ST8SIA3: variants seen among roughly 807,000 people sequenced by gnomAD.
ST8SIA3 encodes the protein ST8 alpha-N-acetyl-neuraminide alpha-2,8-sialyltransferase 3.
A neutral mutation model predicts 34.5 loss-of-function variants in ST8SIA3; 17 were observed. The ratio of observed to expected loss-of-function variants is 0.49; its 90% CI spans 0.34 to 0.74. The LOEUF is 0.74. Among genes scored for constraint, ST8SIA3 ranks in the 30% least tolerant of loss-of-function variants. The probability of loss-of-function intolerance (pLI) is 0.01; values close to 1 mark genes in which losing one functional copy is unlikely to be tolerated. For missense variants in ST8SIA3, 354 were observed against 467.8 expected (o/e 0.76, Z 2.24); for synonymous variants, 172 against 176.1 (o/e 0.98, Z 0.19).
intron 3 of ST8SIA3, 82 bp downstream of exon 3, chr18:57,357,552 C>T: frequency 1.8e-6 from 2 of 1,099,060 alleles, no homozygotes; most frequent in Non-Finnish European, 2.6e-6. Context: ...GGGAGCCATC[C>T]AATTCATTAG....
At chr18:57,358,412 G>A (rs2049810744) in intron 3 of ST8SIA3, among the ~76,000 whole-genome samples, 1 of 152,202 alleles carries the variant, frequency 6.6e-6, no homozygotes, top group African/African-American at 2.4e-5. Context: ...CTGGTAAACA[G>A]GGAATTCTGA....
chr18:57,362,732 GGA>G lies in ST8SIA3; in HGVS notation c.*2457_*2458del, dbSNP rs1435195920. The G allele has an allele frequency of 6.6e-6, 1 of 152,192 alleles. No individual in the cohort carries two copies. The highest frequency in any genetic ancestry group is 1.5e-5 in the Non-Finnish European group (1 of 68,034). 9.4% of individuals were successfully genotyped at this position (152,192 alleles called of 1,614,324 possible). The stretch of plus-strand genomic sequence containing the variant: ...AGATCAGGCTCATCTCTGCTTATAA[GGA>G]GGACTTCCTGGAGATGATCCCAATA... On this transcript the variant is annotated 3_prime_UTR_variant, in exon 4 of 4. Transcript: ENST00000324000.
intron 3 of ST8SIA3, among the ~76,000 whole-genome samples, chr18:57,359,449 G>T (rs1020509308): frequency 1.3e-5 from 2 of 152,112 alleles, no homozygotes; most frequent in African/African-American, 4.8e-5. Context: ...GAAAAATAAG[G>T]CTCCACAATC....
intron 3 of ST8SIA3, among the ~76,000 whole-genome samples, chr18:57,357,803 T>C (rs2049807862): frequency 6.6e-6 from 1 of 152,194 alleles, no homozygotes; most frequent in Non-Finnish European, 1.5e-5. Flanking sequence ...TAGATAGCTA[T>C]ATTCCAAGAA....
In ST8SIA3 at chr18:57,357,249, C is replaced by T. The variant is rs768387892; in HGVS notation, c.639C>T (p.Ser213=). The T allele has an allele frequency of 6.2e-7, 1 of 1,614,160 alleles. No individual in the cohort carries two copies. Among genetic ancestry groups the T allele is most frequent in the South Asian group, 1.1e-5 (1 of 91,078 alleles). Residue 213 remains serine, a synonymous_variant, in exon 3 of 4, where the codon AGC becomes AGT. Transcript: ENST00000324000. ...CCAATCTTACCACCTTCAACCCCAG[C>T]ATCCTGGAAAAATATTACAACAATC... ...RKTNLTTFNP[S]ILEKYYNNLL...
chr18:57,357,935 A>G (rs2049808598), intron 3 of ST8SIA3, among the ~76,000 whole-genome samples: 1 of 152,234 alleles, frequency 6.6e-6, no homozygotes, highest in Non-Finnish European at 1.5e-5. Flanking sequence ...TAAATTGCAC[A>G]ATCTGCCTTT....
chr18:57,360,871 A>T lies in ST8SIA3; in HGVS notation c.*594A>T, dbSNP rs887946945. The T allele has an allele frequency of 1.3e-5, 2 of 153,334 alleles. No homozygotes were observed. Among genetic ancestry groups the T allele is most frequent in the African/African-American group, 4.8e-5 (2 of 41,424 alleles). The allele number at this position is 153,334 out of a possible 1,614,324, so 9.5% of individuals were successfully genotyped here. A position where few individuals can be genotyped will look rare whatever the true frequency, so the allele number is the denominator to read the frequency against. ...CTTTGCTTGTATATGTTGCATTTGT[A>T]CTTGATGTGTTTAAGGTTCTGGGTA... is the stretch of plus-strand genomic sequence containing the variant. On this transcript the variant is annotated 3_prime_UTR_variant, in exon 4 of 4. Transcript: ENST00000324000.
chr18:57,364,501 C>T lies in ST8SIA3; in HGVS notation c.*4224C>T, dbSNP rs918977775. On this transcript the variant is annotated 3_prime_UTR_variant, in exon 4 of 4. Coordinates refer to ENST00000324000, the MANE Select transcript of ST8SIA3 (RefSeq NM_015879.3). ...GCAATTTTCTGTATAATTCTAGATT[C>T]TTAAAACCTTTTTTCCCATAATTGT... 2.0e-5 allele frequency: 3 copies of T among 152,216 alleles called. No individual in the cohort carries two copies. The highest frequency in any genetic ancestry group is 7.2e-5 in the African/African-American group (3 of 41,466). The allele number at this position is 152,216 out of a possible 1,614,324, so 9.4% of individuals were successfully genotyped here. A position where few individuals can be genotyped will look rare whatever the true frequency, so the allele number is the denominator to read the frequency against.
rs1460908526 is a variant in ST8SIA3 at position 57,365,141 on chromosome 18, C to T, written c.*4864C>T. ...ATTCTGGACCTTTGATTCATAATGT[C>T]CTGGGATAAGTCCAACTTACAAAGA... is the stretch of plus-strand genomic sequence containing the variant. On this transcript the variant is annotated 3_prime_UTR_variant, in exon 4 of 4. Coordinates refer to ENST00000324000, the MANE Select transcript of ST8SIA3 (RefSeq NM_015879.3). 1 of 152,198 alleles carries T rather than the reference C, an allele frequency of 6.6e-6. No individual in the cohort carries two copies. The highest frequency in any genetic ancestry group is 1.5e-5 in the Non-Finnish European group (1 of 68,034). The allele number at this position is 152,198 out of a possible 1,614,324, so 9.4% of individuals were successfully genotyped here.
chr18:57,368,043 C>T lies in ST8SIA3; in HGVS notation c.*7766C>T, dbSNP rs145607879. 6.6e-6 allele frequency: 1 copy of T among 152,594 alleles called. No individual in the cohort carries two copies. The highest frequency in any genetic ancestry group is 2.4e-5 in the African/African-American group (1 of 41,580). 9.5% of individuals were successfully genotyped at this position (152,594 alleles called of 1,614,324 possible). A position where few individuals can be genotyped will look rare whatever the true frequency, so the allele number is the denominator to read the frequency against. ...GTCAGGATTCCAGATCAACATCCTC[C>T]ATGTGGAGATGAGACAACTGAGGTT... is the stretch of plus-strand genomic sequence containing the variant. On this transcript the variant is annotated 3_prime_UTR_variant, in exon 4 of 4. Transcript: ENST00000324000.
chr18:57,355,182 T>C (rs2049792019), intron 2 of ST8SIA3, among the ~76,000 whole-genome samples: 1 of 152,206 alleles, frequency 6.6e-6, no homozygotes, highest in Admixed American at 6.5e-5. Flanking sequence ...GTTTTGTTTT[T>C]TTAGGTGGAA....
rs1315590125 is a variant in ST8SIA3, at chr18:57,365,011, G to A, written c.*4734G>A. The A allele has an allele frequency of 6.6e-6, 1 of 152,124 alleles. No individual in the cohort carries two copies. The highest frequency in any genetic ancestry group is 1.5e-5 in the Non-Finnish European group (1 of 68,024). 9.4% of individuals were successfully genotyped at this position (152,124 alleles called of 1,614,324 possible). On this transcript the variant is annotated 3_prime_UTR_variant, in exon 4 of 4. Transcript: ENST00000324000. ...GCAGAGTAACTGACTTCAGTTTAAG[G>A]TTACCCTGGGGTTCTGGGGTTAGGA...
Position 57,357,411 on chromosome 18 carries a change from C to G in ST8SIA3, c.801C>G (p.His267Gln). ...TRTLVDFFVEHRGQLKVQLAW... is the reference protein window; with the variant it reads ...TRTLVDFFVEQRGQLKVQLAW... ...CATTAGTTGACTTTTTTGTTGAACA[C>G]AGAGGTCAGTTAAAAGTCCAACTGG... The change falls in exon 3 of 4, where the codon CAC (histidine) becomes CAG (glutamine). Residue 267 changes from histidine to glutamine, a missense_variant. Coordinates refer to ENST00000324000, the MANE Select transcript of ST8SIA3 (RefSeq NM_015879.3). The G allele has an allele frequency of 6.2e-7, 1 of 1,612,860 alleles. No individual in the cohort carries two copies. Among genetic ancestry groups the G allele is most frequent in the Non-Finnish European group, 8.5e-7 (1 of 1,179,914 alleles).
intron 3 of ST8SIA3, among the ~76,000 whole-genome samples, 196 bp from the exon 4 acceptor site, chr18:57,359,799 T>C (rs901734816): frequency 2.0e-5 from 3 of 152,224 alleles, no homozygotes; most frequent in Non-Finnish European, 2.9e-5. Context: ...TCCACATTTT[T>C]ATTTCTTACT....
chr18:57,354,570 G>A, intron 2 of ST8SIA3, 46 bp downstream of exon 2: 1 of 1,608,534 alleles, frequency 6.2e-7, no homozygotes, highest in Non-Finnish European at 8.5e-7. Context: ...AAGAATTCAA[G>A]AGCTCAAAAC....
rs771063902 is a variant in ST8SIA3 at position 57,354,503 on chromosome 18, G to A, written c.281G>A (p.Arg94Gln). ...QEKPSKWKFN[R>Q]TAFLHQRQEI... ...AAACCTTCTAAGTGGAAATTTAATC[G>A]GACAGCGTTTTTACATCAAAGGTAG... The change falls in exon 2 of 4, where the codon CGG becomes CAG. Residue 94 changes from arginine to glutamine, a missense_variant. Coordinates refer to ENST00000324000, the MANE Select transcript of ST8SIA3 (RefSeq NM_015879.3). The A allele has an allele frequency of 6.2e-6, 10 of 1,613,924 alleles. No individual in the cohort carries two copies. In the South Asian group the frequency reaches 6.6e-5, roughly 11 times the overall value.
At position 57,354,411 on chromosome 18, in the gene ST8SIA3, T is replaced by G. The variant is rs770244080; in HGVS notation, c.189T>G (p.Phe63Leu). Reference sequence around the variant, plus strand: ...TCATGCTCCTCTCCAGGTCACAATTTGCGCTGAAGTTTCTAGACCCGTCAT... The same window carrying G: ...TCATGCTCCTCTCCAGGTCACAATTGGCGCTGAAGTTTCTAGACCCGTCAT... The part of the protein sequence containing the change: ...YMFHAGFRSQ[F>L]ALKFLDPSFV... The change falls in exon 2 of 4, where the codon TTT becomes TTG. Residue 63 changes from phenylalanine to leucine, a missense_variant. By Grantham distance (22) the Phe-to-Leu change is conservative (BLOSUM62 0). This residue lies in a region of ST8SIA3 where 184 missense variants were observed against 205.4 expected (regional missense o/e 0.90). Coordinates refer to ENST00000324000, the MANE Select transcript of ST8SIA3 (RefSeq NM_015879.3). 6.2e-7 allele frequency: 1 copy of G among 1,614,098 alleles called. No individual in the cohort carries two copies. The highest frequency in any genetic ancestry group is 8.5e-7 in the Non-Finnish European group (1 of 1,179,968).
chr18:57,353,005 C>T lies in ST8SIA3; in HGVS notation c.159C>T (p.Tyr53=). 6.2e-7 allele frequency: 1 copy of T among 1,609,806 alleles called. No homozygotes were observed. ...KYASPGAPRM[Y]MFHAGFRSQF... is the part of the protein sequence containing the mutation. ...CCAGCCCGGGGGCGCCCCGAATGTA[C>T]ATGTTCCACGCGGGATTCCGGTGAG... Residue 53 remains tyrosine, a synonymous_variant, in exon 1 of 4, where the codon TAC becomes TAT. Transcript: ENST00000324000.
At position 57,352,685 on chromosome 18, in the gene ST8SIA3, C is replaced by T. The variant is rs1598900553; in HGVS notation, c.-162C>T. 3 of 260,620 alleles carry T rather than the reference C, an allele frequency of 1.2e-5. No individual in the cohort carries two copies. The highest frequency in any genetic ancestry group is 2.2e-5 in the Non-Finnish European group (3 of 137,750). The allele number at this position is 260,620 out of a possible 1,614,324, so 16.1% of individuals were successfully genotyped here. ...CCCAACCCCCGGCCCCGGTGGCCTC[C>T]CCCCACCCCCGCCCGGGTCCCCCTC... is the stretch of plus-strand genomic sequence containing the variant. On this transcript the variant is annotated 5_prime_UTR_variant, in exon 1 of 4. Transcript: ENST00000324000.
Sources: allele counts gnomAD v4.1 joint callset (sites outside exome capture counted in the v4.1 genomes callset), GRCh38; gene constraint gnomAD v4.1.1; regional missense constraint gnomAD v4.1.1; transcripts MANE v1.5; gene names NCBI Gene and HGNC (gene_info 2026-07-23, HGNC 2026-07-21).